The following PACSIN3 variants were observed in gnomAD, a reference collection of about 807,000 sequenced individuals.
The protein encoded by PACSIN3 is protein kinase C and casein kinase substrate in neurons 3, also known as protein kinase C and casein kinase substrate in neurons protein 3.
In PACSIN3, 34 loss-of-function variants were observed where a neutral mutation model predicts 56.1. That is an observed-to-expected ratio of 0.61 (90% CI 0.46 to 0.81). PACSIN3 has a LOEUF of 0.81. PACSIN3 is among the 30% of genes least tolerant of loss of function. The probability of loss-of-function intolerance (pLI) is 0.00; values close to 1 mark genes in which losing one functional copy is unlikely to be tolerated. For synonymous variants in PACSIN3, 218 were observed against 229.8 expected (o/e 0.95, Z 0.46); for missense variants, 535 against 592.4 (o/e 0.90, Z 1.01).
chr11:47,179,150 AAC>A lies in PACSIN3; in HGVS notation c.900+7_900+8del. ...CACCTCCCATCCCCACCCCGCCTGG[AAC>A]ACATGCCTCGAACTGTGGCCAGTTC... On this transcript the variant is annotated splice_region_variant and intron_variant, in intron 8 of 10. Coordinates refer to ENST00000298838, the MANE Select transcript of PACSIN3 (RefSeq NM_016223.5). This position sits in a 1 kb window ranked among gnomAD's most constrained non-coding sequence, Gnocchi z 4.4. 1 of 1,613,606 alleles carries A rather than the reference AAC, an allele frequency of 6.2e-7. No homozygotes were observed. The highest frequency in any genetic ancestry group is 8.5e-7 in the Non-Finnish European group (1 of 1,179,950).
Position 47,178,596 on chromosome 11 carries a change from A to T in PACSIN3, c.1038-109T>A. On this transcript the variant is annotated intron_variant, in intron 9 of 10. Transcript: ENST00000298838. The surrounding 1 kb of genome is among the most constrained non-coding windows in gnomAD (Gnocchi z 4.2). ...CCCTACCCCCAGAGGCACCTGGGAG[A>T]GTCAGGTGAGGTACTAAAGATTCTA... The T allele has an allele frequency of 7.2e-7, 1 of 1,379,706 alleles. No individual in the cohort carries two copies. The highest frequency in any genetic ancestry group is 9.8e-7 in the Non-Finnish European group (1 of 1,019,378). 85.5% of individuals were successfully genotyped at this position (1,379,706 alleles called of 1,614,324 possible). A position where few individuals can be genotyped will look rare whatever the true frequency, so the allele number is the denominator to read the frequency against.
Position 47,182,573 on chromosome 11 carries a change from A to G in PACSIN3, c.55-14T>C. 1 of 1,605,966 alleles carries G rather than the reference A, an allele frequency of 6.2e-7. No individual in the cohort carries two copies. Among genetic ancestry groups the G allele is most frequent in the South Asian group, 1.1e-5 (1 of 90,748 alleles). The stretch of plus-strand genomic sequence containing the variant: ...GTAGTTGCCAGCCTGGGCATACAGG[A>G]AAAGGGTGCCATCACCAGGGAGAAG... On this transcript the variant is annotated splice_polypyrimidine_tract_variant and intron_variant, in intron 3 of 10. Transcript: ENST00000298838.
rs1953121418 is a variant in PACSIN3 at position 47,186,397 on chromosome 11, GC to G, written c.-153del. On this transcript the variant is annotated 5_prime_UTR_variant, in exon 1 of 11. Coordinates refer to ENST00000298838, the MANE Select transcript of PACSIN3 (RefSeq NM_016223.5). This position sits in a 1 kb window ranked among gnomAD's most constrained non-coding sequence, Gnocchi z 4.5. The stretch of plus-strand genomic sequence containing the variant: ...CGGGTGGGGGTCCGGCCACGCTCCG[GC>G]CCGAGTCCTGCCGCTCCTGGGCCCG... The G allele has an allele frequency of 6.6e-6, 1 of 151,104 alleles. No homozygotes were observed. Among genetic ancestry groups the G allele is most frequent in the Admixed American group, 6.6e-5 (1 of 15,182 alleles). The allele number at this position is 151,104 out of a possible 1,614,324, so 9.4% of individuals were successfully genotyped here. A position where few individuals can be genotyped will look rare whatever the true frequency, so the allele number is the denominator to read the frequency against.
intron 4 of PACSIN3, among the ~76,000 whole-genome samples, chr11:47,182,184 A>C (rs921389196): frequency 6.6e-6 from 1 of 152,054 alleles, no homozygotes; most frequent in Admixed American, 6.6e-5. Flanking sequence ...TGGGTAAAAC[A>C]ACCATCTCCA....
In PACSIN3 at chr11:47,177,895, G is replaced by C. The variant is rs758587341; in HGVS notation, c.*36C>G. ...CCAGGAGAAGCTGGGCTCTGAACCAGGGTGGGTAAACGTTGCAGAAGGGCT... is the reference window on the plus strand; with the variant it reads ...CCAGGAGAAGCTGGGCTCTGAACCACGGTGGGTAAACGTTGCAGAAGGGCT... On this transcript the variant is annotated 3_prime_UTR_variant, in exon 11 of 11. Coordinates refer to ENST00000298838, the MANE Select transcript of PACSIN3 (RefSeq NM_016223.5). The C allele has an allele frequency of 6.6e-7, 1 of 1,515,290 alleles. No individual in the cohort carries two copies. The highest frequency in any genetic ancestry group is 9.2e-7 in the Non-Finnish European group (1 of 1,090,274). 93.9% of individuals were successfully genotyped at this position (1,515,290 alleles called of 1,614,324 possible).
At position 47,178,745 on chromosome 11, in the gene PACSIN3, G is replaced by GT. The variant is rs1441462640; in HGVS notation, c.1037+148dup. 2.2e-6 allele frequency: 2 copies of GT among 891,212 alleles called. No homozygotes were observed. The highest frequency in any genetic ancestry group is 3.4e-6 in the Non-Finnish European group (2 of 591,896). The allele number at this position is 891,212 out of a possible 1,614,324, so 55.2% of individuals were successfully genotyped here. ...CAAATCTAAACCACTATGAGAACCAGTATCATTACAACTACTAAGTAGGCC... is the reference window on the plus strand; with the variant it reads ...CAAATCTAAACCACTATGAGAACCAGTTATCATTACAACTACTAAGTAGGCC... On this transcript the variant is annotated intron_variant, in intron 9 of 10. Coordinates refer to ENST00000298838, the MANE Select transcript of PACSIN3 (RefSeq NM_016223.5). The surrounding 1 kb of genome is among the most constrained non-coding windows in gnomAD (Gnocchi z 4.2).
In PACSIN3 at chr11:47,178,390, C is replaced by T. The variant is rs1206251250; in HGVS notation, c.1135G>A (p.Ala379Thr). Residue 379 changes from alanine to threonine, a missense_variant, in exon 10 of 11, where the codon GCT becomes ACT. By Grantham distance (58) the Ala-to-Thr change is moderately conservative. Transcript: ENST00000298838. The surrounding 1 kb of genome is among the most constrained non-coding windows in gnomAD (Gnocchi z 4.2). ...RALYDYAGQE[A>T]DELSFRAGEE... The stretch of plus-strand genomic sequence containing the variant: ...CCTGCTCGGAAGCTCAGCTCATCAG[C>T]TTCCTGGCCAGCGTAGTCATAGAGT... 1 of 1,614,048 alleles carries T rather than the reference C, an allele frequency of 6.2e-7. No homozygotes were observed. The highest frequency in any genetic ancestry group is 1.1e-5 in the South Asian group (1 of 91,090).
At chr11:47,180,026 T>C (rs1952984759) in intron 6 of PACSIN3, among the ~76,000 whole-genome samples, 160 bp downstream of exon 6, 2 of 152,218 alleles carry the variant, frequency 1.3e-5, no homozygotes, top group South Asian at 4.1e-4. Flanking sequence ...GCATCACCTT[T>C]TGTCAGGTTC....
At position 47,178,520 on chromosome 11, in the gene PACSIN3, G is replaced by A; in HGVS notation, c.1038-33C>T. 2.5e-6 allele frequency: 4 copies of A among 1,608,214 alleles called. No homozygotes were observed. The highest frequency in any genetic ancestry group is 3.4e-6 in the Non-Finnish European group (4 of 1,176,766). Reference sequence around the variant, plus strand: ...GGGGAGGCAAAGGGAGCAGCTCAGAGTGCAAGGAACACGGGGCTGGAGATC... The same window carrying A: ...GGGGAGGCAAAGGGAGCAGCTCAGAATGCAAGGAACACGGGGCTGGAGATC... On this transcript the variant is annotated intron_variant, in intron 9 of 10. Coordinates refer to ENST00000298838, the MANE Select transcript of PACSIN3 (RefSeq NM_016223.5). This position sits in a 1 kb window ranked among gnomAD's most constrained non-coding sequence, Gnocchi z 4.2.
In PACSIN3 at chr11:47,180,289, G is replaced by A. The variant is rs1475366432; in HGVS notation, c.500C>T (p.Ala167Val). The A allele has an allele frequency of 3.1e-6, 5 of 1,603,072 alleles. No individual in the cohort carries two copies. In the Admixed American group the frequency reaches 8.3e-5, roughly 27 times the overall value. ...YHAARKDEKT[A>V]QTRESHAKAD... ...CTTTGCGTGGCTCTCCCTCGTCTGG[G>A]CGGTCTTCTCATCCTTCCGGGCTGC... The change falls in exon 6 of 11, where the codon GCC (alanine) becomes GTC (valine). Residue 167 changes from alanine to valine, a missense_variant. Physicochemically the swap from Ala to Val is moderately conservative, Grantham distance 64. Transcript: ENST00000298838.
rs1396769565 is a variant in PACSIN3 at position 47,182,714 on chromosome 11, T to C, written c.14A>G (p.Glu5Gly). Residue 5 changes from glutamate to glycine, a missense_variant, in exon 3 of 11, where the codon GAG (glutamate) becomes GGG (glycine). Coordinates refer to ENST00000298838, the MANE Select transcript of PACSIN3 (RefSeq NM_016223.5). Reference sequence around the variant, plus strand: ...CCCTAAGGCCTCCCCTCCAGCGTCCTCTTCTGGAGCCATGGTGTCCCCGCA... The same window carrying C: ...CCCTAAGGCCTCCCCTCCAGCGTCCCCTTCTGGAGCCATGGTGTCCCCGCA... MAPE[E>G]DAGGEALGGS... 1.2e-6 allele frequency: 2 copies of C among 1,612,686 alleles called. No homozygotes were observed. The highest frequency in any genetic ancestry group is 2.2e-5 in the East Asian group (1 of 44,860).
At position 47,179,467 on chromosome 11, in the gene PACSIN3, G is replaced by A. The variant is rs765047382; in HGVS notation, c.723C>T (p.Phe241=). 2 of 1,614,038 alleles carry A rather than the reference G, an allele frequency of 1.2e-6. No homozygotes were observed. The highest frequency in any genetic ancestry group is 4.5e-5 in the East Asian group (2 of 44,888). The change falls in exon 7 of 11, where the codon TTC becomes TTT. Residue 241 remains phenylalanine (F), a synonymous_variant. Coordinates refer to ENST00000298838, the MANE Select transcript of PACSIN3 (RefSeq NM_016223.5). This position sits in a 1 kb window ranked among gnomAD's most constrained non-coding sequence, Gnocchi z 4.4. The part of the protein sequence containing the change: ...CQAAERQRLL[F]FKDMLLTLHQ... ...GTAAGGTGAGCAGCATATCCTTGAAGAAAAGAAGCCGCTGGCGCTCGGCGG... is the reference window on the plus strand; with the variant it reads ...GTAAGGTGAGCAGCATATCCTTGAAAAAAAGAAGCCGCTGGCGCTCGGCGG...
At position 47,178,125 on chromosome 11, in the gene PACSIN3, G is replaced by A; in HGVS notation, c.1160-79C>T. On this transcript the variant is annotated intron_variant, in intron 10 of 10. Transcript: ENST00000298838. The surrounding 1 kb of genome is among the most constrained non-coding windows in gnomAD (Gnocchi z 4.2). ...TGCAACTGGGTCAAGGACTGAGGGG[G>A]ATGGTGTGGTCCCAGAGCCCAGCTA... is the stretch of plus-strand genomic sequence containing the variant. 1 of 1,336,708 alleles carries A rather than the reference G, an allele frequency of 7.5e-7. No individual in the cohort carries two copies. Among genetic ancestry groups the A allele is most frequent in the Non-Finnish European group, 1.1e-6 (1 of 950,608 alleles). The allele number at this position is 1,336,708 out of a possible 1,614,324, so 82.8% of individuals were successfully genotyped here.
chr11:47,185,268 G>A (rs1186427410), intron 1 of PACSIN3: 1 of 152,340 alleles, frequency 6.6e-6, no homozygotes, highest in Non-Finnish European at 1.5e-5. Context: ...CTCCCTACCT[G>A]AGGCCTGAAG....
At chr11:47,182,648 G>A in intron 3 of PACSIN3, 26 bp downstream of exon 3, 1 of 1,608,174 alleles carries the variant, frequency 6.2e-7, no homozygotes, top group East Asian at 2.2e-5. Flanking sequence ...TAGACAAGTA[G>A]CTGAGCCCAG....
At chr11:47,182,796 T>C (rs1000913019) in intron 2 of PACSIN3, 32 bp from the exon 3 acceptor site, 63 of 1,500,512 alleles carry the variant, frequency 4.2e-5, no homozygotes, top group Non-Finnish European at 5.6e-5. Context: ...GCAGGAAAGC[T>C]GGACATTATG....
chr11:47,178,142 GC>G lies in PACSIN3; in HGVS notation c.1160-97del. ...CTGAGGGGGATGGTGTGGTCCCAGA[GC>G]CCAGCTAGCAAAGACATGGCTCAGG... On this transcript the variant is annotated intron_variant, in intron 10 of 10. Transcript: ENST00000298838. This position sits in a 1 kb window ranked among gnomAD's most constrained non-coding sequence, Gnocchi z 4.2. 1 of 1,248,696 alleles carries G rather than the reference GC, an allele frequency of 8.0e-7. No homozygotes were observed. Among genetic ancestry groups the G allele is most frequent in the Non-Finnish European group, 1.1e-6 (1 of 881,028 alleles). The allele number at this position is 1,248,696 out of a possible 1,614,324, so 77.4% of individuals were successfully genotyped here.
chr11:47,182,143 CAAA>C (rs372259328), intron 4 of PACSIN3, among the ~76,000 whole-genome samples: 5 of 54,532 alleles, frequency 9.2e-5, no homozygotes, highest in South Asian at 5.3e-4. Context: ...CAAAACGTCT[CAAA>C]AAAAAAAAAA....
chr11:47,182,585 T>A, intron 3 of PACSIN3, 26 bp from the exon 4 acceptor site: 1 of 1,605,424 alleles, frequency 6.2e-7, no homozygotes, highest in South Asian at 1.1e-5. Flanking sequence ...AAGGGTGCCA[T>A]CACCAGGGAG....
Sources: allele counts gnomAD v4.1 joint callset (sites outside exome capture counted in the v4.1 genomes callset), GRCh38; gene constraint gnomAD v4.1.1; non-coding constraint Gnocchi (gnomAD v3.1); transcripts MANE v1.5; gene names NCBI Gene and HGNC (gene_info 2026-07-23, HGNC 2026-07-21).